ZRANB3: variants seen among roughly 807,000 people sequenced by gnomAD.
The protein encoded by ZRANB3 is DNA annealing helicase and endonuclease ZRANB3.
In ZRANB3, 125 loss-of-function variants were observed where a neutral mutation model predicts 133.8. The observed-to-expected ratio is 0.93, with a 90% CI of 0.81 to 1.08. The LOEUF is 1.08. Among genes scored for constraint, ZRANB3 ranks in the 50% least tolerant of loss-of-function variants. The pLI is 0.00. For synonymous variants in ZRANB3, 387 were observed against 432.7 expected, an observed-to-expected ratio of 0.89 and a Z score of 1.31; for missense variants, 1,229 against 1,275.5, an observed-to-expected ratio of 0.96 and a Z score of 0.56.
At chr2:135,229,805 T>C (rs1003839775) in intron 13 of ZRANB3, among the ~76,000 whole-genome samples, 4 of 152,152 alleles carry the variant, frequency 2.6e-5, no homozygotes, top group African/African-American at 4.8e-5. Flanking sequence ...CTCTATAGAA[T>C]TGGAAACAAG....
At chr2:135,287,370 T>TC (rs976383195) in intron 8 of ZRANB3, among the ~76,000 whole-genome samples, 8 of 152,352 alleles carry the variant, frequency 5.3e-5, no homozygotes, top group Non-Finnish European at 8.8e-5. Context: ...CTGGATTTGT[T>TC]CTTTTTTGCT....
At chr2:135,459,964 T>C (rs965982510) in intron 2 of ZRANB3, among the ~76,000 whole-genome samples, 4 of 152,200 alleles carry the variant, frequency 2.6e-5, no homozygotes, top group African/African-American at 9.7e-5. Context: ...TCAATCTCAT[T>C]CTCATGGGTA....
At chr2:135,221,144 A>G (rs1694538520) in intron 15 of ZRANB3, among the ~76,000 whole-genome samples, 1 of 152,132 alleles carries the variant, frequency 6.6e-6, no homozygotes, top group South Asian at 2.1e-4. Flanking sequence ...GGTGTGAGCC[A>G]CTGTGCCCAG....
intron 2 of ZRANB3, among the ~76,000 whole-genome samples, chr2:135,470,721 G>A (rs72986446): frequency 0.045 from 6,808 of 151,602 alleles, 510 homozygotes; most frequent in African/African-American, 0.16. Context: ...ACTGAAGCAC[G>A]GAGAAGTTAA....
intron 2 of ZRANB3, among the ~76,000 whole-genome samples, chr2:135,489,080 T>C (rs943880310): frequency 4.6e-5 from 7 of 151,688 alleles, no homozygotes; most frequent in Non-Finnish European, 7.4e-5. Context: ...TTGCAAACAG[T>C]ATGATCAGGA....
intron 2 of ZRANB3, among the ~76,000 whole-genome samples, chr2:135,449,138 A>G (rs1559006388): frequency 6.6e-6 from 1 of 152,194 alleles, no homozygotes; most frequent in Admixed American, 6.5e-5. Context: ...TGAGGAACTA[A>G]AGAGATCAAA....
chr2:135,452,078 T>C (rs928443563), intron 2 of ZRANB3, among the ~76,000 whole-genome samples: 21 of 152,034 alleles, frequency 1.4e-4, no homozygotes, highest in South Asian at 2.1e-4. Context: ...TGGGAAGAAA[T>C]AGAGTTTTAA....
At chr2:135,287,928 T>C (rs779614702) in intron 8 of ZRANB3, among the ~76,000 whole-genome samples, 2 of 152,156 alleles carry the variant, frequency 1.3e-5, no homozygotes, top group African/African-American at 4.8e-5. Context: ...CCTTTATTTC[T>C]TTCTCTTGTC....
chr2:135,216,850 C>T (rs1001493952), intron 17 of ZRANB3, among the ~76,000 whole-genome samples: 3 of 152,130 alleles, frequency 2.0e-5, no homozygotes, highest in Admixed American at 2.0e-4. Flanking sequence ...GATTTGAGAT[C>T]ACACATGGGG....
chr2:135,287,569 C>T (rs1195050509), intron 8 of ZRANB3, among the ~76,000 whole-genome samples: 1 of 151,454 alleles, frequency 6.6e-6, no homozygotes, highest in South Asian at 2.1e-4. Context: ...GATGTGTTGA[C>T]GTGTTTCCAT....
At chr2:135,288,078 G>C (rs1681476443) in intron 8 of ZRANB3, among the ~76,000 whole-genome samples, 2 of 152,146 alleles carry the variant, frequency 1.3e-5, no homozygotes, top group Admixed American at 1.3e-4. Flanking sequence ...GTTTGTCATA[G>C]ATGGCTTTTA....
intron 8 of ZRANB3, among the ~76,000 whole-genome samples, chr2:135,280,839 CT>C (rs2104781127): frequency 6.6e-6 from 1 of 152,308 alleles, no homozygotes; most frequent in Non-Finnish European, 1.5e-5. Context: ...CCCCTGAGCC[CT>C]CTTTGCAACT....
At chr2:135,424,002 T>C (rs1688968264) in intron 2 of ZRANB3, among the ~76,000 whole-genome samples, 1 of 152,106 alleles carries the variant, frequency 6.6e-6, no homozygotes, top group Non-Finnish European at 1.5e-5. Flanking sequence ...CCGACAGAGA[T>C]GGATCACTAG....
chr2:135,526,966 T>G (rs1235607505), intron 1 of ZRANB3, among the ~76,000 whole-genome samples: 1 of 152,208 alleles, frequency 6.6e-6, no homozygotes. Context: ...AATTTACCTA[T>G]AGCCTGGAAG....
intron 1 of ZRANB3, among the ~76,000 whole-genome samples, chr2:135,512,824 A>T (rs915281290): frequency 6.6e-6 from 1 of 152,114 alleles, no homozygotes. Context: ...AACTGATAAA[A>T]ATAAAAGGAA....
At chr2:135,418,266 A>G (rs1038156732) in intron 2 of ZRANB3, among the ~76,000 whole-genome samples, 2 of 152,214 alleles carry the variant, frequency 1.3e-5, no homozygotes, top group Admixed American at 1.3e-4. Flanking sequence ...GGTTATGTGC[A>G]AATACTATGC....
intron 6 of ZRANB3, among the ~76,000 whole-genome samples, chr2:135,326,610 G>C (rs1358000895): frequency 6.6e-6 from 1 of 151,796 alleles, no homozygotes; most frequent in Non-Finnish European, 1.5e-5. Flanking sequence ...TTATTTTTAA[G>C]AACAGTCCCG....
intron 2 of ZRANB3, among the ~76,000 whole-genome samples, chr2:135,438,549 T>C (rs1689646661): frequency 6.7e-6 from 1 of 149,644 alleles, no homozygotes; most frequent in Admixed American, 6.7e-5. Context: ...TTCCTGGCCA[T>C]AGTTCCTATT....
chr2:135,228,477 G>A (rs1363492075), intron 13 of ZRANB3, among the ~76,000 whole-genome samples: 1 of 151,998 alleles, frequency 6.6e-6, no homozygotes, highest in African/African-American at 2.4e-5. Context: ...AAATGTAACT[G>A]GAAGCCATTA....
Sources: allele counts gnomAD v4.1 joint callset (sites outside exome capture counted in the v4.1 genomes callset), GRCh38; gene constraint gnomAD v4.1.1; transcripts MANE v1.5; gene names NCBI Gene and HGNC (gene_info 2026-07-23, HGNC 2026-07-21).